ZNF710: variants seen among roughly 807,000 people sequenced by gnomAD.
The protein encoded by ZNF710 is zinc finger protein 710.
A neutral mutation model predicts 50.6 loss-of-function variants in ZNF710; 13 were observed. The ratio of observed to expected loss-of-function variants is 0.26; its 90% confidence interval spans 0.17 to 0.41. The LOEUF (loss-of-function observed/expected upper bound fraction) is 0.41, where lower values mean the gene tolerates loss of function less well. ZNF710 is among the 10% of genes least tolerant of loss of function. ZNF710 has a pLI of 1.00. For missense variants in ZNF710, 721 were observed against 936.6 expected (o/e 0.77, Z 3.01); for synonymous variants, 383 against 397.0 (o/e 0.96, Z 0.42).
intron 1 of ZNF710, among the ~76,000 whole-genome samples, chr15:90,024,700 C>T (rs780445457): frequency 1.3e-5 from 2 of 152,242 alleles, no homozygotes; most frequent in African/African-American, 2.4e-5. Flanking sequence ...CTGCCTCTCC[C>T]TCCACCTCCA....
At chr15:90,074,574 T>C (rs1900528620) in intron 4 of ZNF710, 9 of 1,316,514 alleles carry the variant, frequency 6.8e-6, no homozygotes, top group Non-Finnish European at 8.0e-6. Flanking sequence ...TATTAACTCA[T>C]GTGATCCTCA....
rs1239982831 is a variant in ZNF710, at chr15:90,034,827, CT to C, written c.-28-32282del. 1.3e-5 allele frequency among the ~76,000 whole-genome samples: 2 copies of C among 152,210 alleles called. No individual in the cohort carries two copies. Among genetic ancestry groups the C allele is most frequent in the Non-Finnish European group, 2.9e-5 (2 of 68,036 alleles). On this transcript the variant is annotated intron_variant, in intron 1 of 4. Transcript: ENST00000268154. The surrounding 1 kb of genome is among the most constrained non-coding windows in gnomAD (Gnocchi z 4.0). ...CCTGGCGCCTGTTGGGGACTTAGAC[CT>C]CTTCCACATCGCCCCAAGGTCGGGC...
chr15:90,034,213 AAAAG>A lies in ZNF710; in HGVS notation c.-29+32603_-29+32606del, dbSNP rs1491505228. On this transcript the variant is annotated intron_variant, in intron 1 of 4. Coordinates refer to ENST00000268154, the MANE Select transcript of ZNF710 (RefSeq NM_198526.4). This position sits in a 1 kb window ranked among gnomAD's most constrained non-coding sequence, Gnocchi z 4.0. ...ACTCTGTCTCAAAAAAAAAGAAAAG[AAAAG>A]AAAAGAAAAGAAAACAGGTGAACGA... 6.7e-6 allele frequency among the ~76,000 whole-genome samples: 1 copy of A among 149,892 alleles called. No individual in the cohort carries two copies. Among genetic ancestry groups the A allele is most frequent in the African/African-American group, 2.5e-5 (1 of 39,512 alleles).
In ZNF710 at chr15:90,074,117, T is replaced by C; in HGVS notation, c.1652T>C (p.Val551Ala). 6.2e-7 allele frequency: 1 copy of C among 1,611,886 alleles called. No individual in the cohort carries two copies. The highest frequency in any genetic ancestry group is 8.5e-7 in the Non-Finnish European group (1 of 1,179,426). Residue 551 changes from valine (V) to alanine (A), a missense_variant and splice_region_variant, in exon 4 of 5, where the codon GTG becomes GCG. Coordinates refer to ENST00000268154, the MANE Select transcript of ZNF710 (RefSeq NM_198526.4). ...GGACACCGGGTTGATGTGTTCTAGG[T>C]GTGCGGGAAGTCCTTCAACCGCATG... is the stretch of plus-strand genomic sequence containing the variant. ...HSPVKPFKCKVCGKSFNRMYN... is the reference protein window; with the variant it reads ...HSPVKPFKCKACGKSFNRMYN...
chr15:90,061,164 A>G (rs990932272), intron 1 of ZNF710, among the ~76,000 whole-genome samples: 3 of 150,434 alleles, frequency 2.0e-5, no homozygotes, highest in Admixed American at 1.3e-4. Context: ...CTTTATTTCT[A>G]TACTTTTTTT....
intron 2 of ZNF710, among the ~76,000 whole-genome samples, chr15:90,069,524 G>T (rs1316402762): frequency 6.6e-6 from 1 of 152,142 alleles, no homozygotes; most frequent in Non-Finnish European, 1.5e-5. Context: ...GCCAGAGAGA[G>T]GCCAGGATGC....
rs1209454045 is a variant in ZNF710 at position 90,080,155 on chromosome 15, TC to T, written c.*327del. ...GGACAGGTCACAAGGGCACCGGCCC[TC>T]GGGGTCTCTCCAGGCCCAGCAGAGC... is the stretch of plus-strand genomic sequence containing the variant. On this transcript the variant is annotated 3_prime_UTR_variant, in exon 5 of 5. Transcript: ENST00000268154. 8.4e-6 allele frequency: 2 copies of T among 237,684 alleles called. No homozygotes were observed. The highest frequency in any genetic ancestry group is 1.6e-5 in the Non-Finnish European group (2 of 124,610). The allele number at this position is 237,684 out of a possible 1,614,324, so 14.7% of individuals were successfully genotyped here.
In ZNF710 at chr15:90,067,541, C is replaced by T. The variant is rs776778157; in HGVS notation, c.404C>T (p.Pro135Leu). Reference protein sequence around the residue: ...SVPGDDKDAGPAEAPAEAASG... With the variant: ...SVPGDDKDAGLAEAPAEAASG... Reference sequence around the variant, plus strand: ...CCAGGTGACGACAAGGACGCAGGGCCAGCAGAAGCCCCCGCCGAGGCGGCC... The same window carrying T: ...CCAGGTGACGACAAGGACGCAGGGCTAGCAGAAGCCCCCGCCGAGGCGGCC... The change falls in exon 2 of 5, where the codon CCA becomes CTA. Residue 135 changes from proline (P) to leucine (L), a missense_variant. Transcript: ENST00000268154. The surrounding 1 kb of genome is among the most constrained non-coding windows in gnomAD (Gnocchi z 8.1). 8.1e-6 allele frequency: 13 copies of T among 1,612,724 alleles called. No individual in the cohort carries two copies. The highest frequency in any genetic ancestry group is 1.0e-5 in the Non-Finnish European group (12 of 1,179,370).
intron 1 of ZNF710, among the ~76,000 whole-genome samples, chr15:90,050,397 T>TTTCCC (rs1406475171): frequency 6.6e-6 from 1 of 152,166 alleles, no homozygotes; most frequent in Non-Finnish European, 1.5e-5. Flanking sequence ...TTCTGTCCGC[T>TTTCCC]TTCCCTTCCC....
chr15:90,080,041 A>G lies in ZNF710; in HGVS notation c.*212A>G, dbSNP rs904316847. ...GCTGTGAGCCAGCACAGGCCCAGGC[A>G]TCCCAGCAAGGGAAGGAGAACACGC... is the stretch of plus-strand genomic sequence containing the variant. On this transcript the variant is annotated 3_prime_UTR_variant, in exon 5 of 5. Coordinates refer to ENST00000268154, the MANE Select transcript of ZNF710 (RefSeq NM_198526.4). The G allele has an allele frequency of 2.1e-6, 1 of 476,362 alleles. No individual in the cohort carries two copies. The highest frequency in any genetic ancestry group is 3.6e-6 in the Non-Finnish European group (1 of 276,662). The allele number at this position is 476,362 out of a possible 1,614,324, so 29.5% of individuals were successfully genotyped here. A position where few individuals can be genotyped will look rare whatever the true frequency, so the allele number is the denominator to read the frequency against.
intron 1 of ZNF710, among the ~76,000 whole-genome samples, chr15:90,036,240 C>G (rs1395311277): frequency 7.6e-6 from 1 of 131,766 alleles, no homozygotes; most frequent in Non-Finnish European, 1.6e-5. Flanking sequence ...GCCCGCCCCC[C>G]ACCCCCTCCG....
chr15:90,065,694 C>T (rs975784046), intron 1 of ZNF710, among the ~76,000 whole-genome samples: 1 of 152,226 alleles, frequency 6.6e-6, no homozygotes, highest in African/African-American at 2.4e-5. Flanking sequence ...AGGGAAGAGG[C>T]CGCTGTGCTG....
Position 90,059,847 on chromosome 15 carries a change from C to G in ZNF710, c.-28-7263C>G, listed in dbSNP as rs1008993811. On this transcript the variant is annotated intron_variant, in intron 1 of 4. Coordinates refer to ENST00000268154, the MANE Select transcript of ZNF710 (RefSeq NM_198526.4). The surrounding 1 kb of genome is among the most constrained non-coding windows in gnomAD (Gnocchi z 4.1). ...GCTGGTTTCCTTAGGCGGTGAAATC[C>G]CGTGCATGTTTTTCACAGCGGGTGT... is the stretch of plus-strand genomic sequence containing the variant. Among the ~76,000 whole-genome samples the G allele has an allele frequency of 6.6e-6, 1 of 152,196 alleles. No homozygotes were observed. Among genetic ancestry groups the G allele is most frequent in the African/African-American group, 2.4e-5 (1 of 41,442 alleles).
intron 2 of ZNF710, among the ~76,000 whole-genome samples, chr15:90,069,700 G>C (rs1900309588): frequency 6.6e-6 from 1 of 152,190 alleles, no homozygotes; most frequent in East Asian, 1.9e-4. Context: ...TTATGGAAAA[G>C]TACAGGTAGT....
chr15:89,998,685 G>A (rs1897962788), upstream of ZNF710, among the ~76,000 whole-genome samples: 1 of 152,114 alleles, frequency 6.6e-6, no homozygotes, highest in Admixed American at 6.5e-5. Context: ...CTTATGTACC[G>A]GACACCATGC....
chr15:90,064,069 C>G (rs1900095777), intron 1 of ZNF710, among the ~76,000 whole-genome samples: 1 of 152,248 alleles, frequency 6.6e-6, no homozygotes, highest in South Asian at 2.1e-4. Context: ...CTTGCTGGTC[C>G]TGCCTTTGGG....
intron 1 of ZNF710, among the ~76,000 whole-genome samples, chr15:90,012,119 C>T (rs975387716): frequency 5.3e-5 from 8 of 151,616 alleles, no homozygotes; most frequent in Non-Finnish European, 1.2e-4. Context: ...GCATGAGAAT[C>T]GCTTGAACCC....
rs1326265016 is a variant in ZNF710, at chr15:90,059,216, C to T, written c.-28-7894C>T. 1.3e-5 allele frequency among the ~76,000 whole-genome samples: 2 copies of T among 152,214 alleles called. No individual in the cohort carries two copies. The highest frequency in any genetic ancestry group is 4.8e-5 in the African/African-American group (2 of 41,454). ...GGAAGGGCAGTCCTGGCAGGGGAAT[C>T]AGCCTGTGCAGAGGCCCCAAGGTAG... On this transcript the variant is annotated intron_variant, in intron 1 of 4. Coordinates refer to ENST00000268154, the MANE Select transcript of ZNF710 (RefSeq NM_198526.4). This position sits in a 1 kb window ranked among gnomAD's most constrained non-coding sequence, Gnocchi z 4.1.
chr15:90,036,362 TC>T (rs972243076), intron 1 of ZNF710, among the ~76,000 whole-genome samples: 1 of 152,074 alleles, frequency 6.6e-6, no homozygotes, highest in African/African-American at 2.4e-5. Context: ...ATTTTAATGT[TC>T]CTTTGAATGA....
Sources: allele counts gnomAD v4.1 joint callset (sites outside exome capture counted in the v4.1 genomes callset), GRCh38; gene constraint gnomAD v4.1.1; non-coding constraint Gnocchi (gnomAD v3.1); transcripts MANE v1.5; gene names NCBI Gene and HGNC (gene_info 2026-07-23, HGNC 2026-07-21).